SYT9: variants seen among roughly 807,000 people sequenced by gnomAD.
SYT9 encodes synaptotagmin 9, also known as synaptotagmin-9.
Under a neutral mutation model 48.4 loss-of-function variants are expected in SYT9, and 22 were observed. The observed-to-expected ratio is 0.45, with a 90% CI of 0.32 to 0.65. The LOEUF (loss-of-function observed/expected upper bound fraction) is 0.65, where lower values mean the gene tolerates loss of function less well. Among genes scored for constraint, SYT9 ranks in the 30% least tolerant of loss-of-function variants. The pLI is 0.03. For synonymous variants in SYT9, 265 were observed against 245.0 expected, an observed-to-expected ratio of 1.08 and a Z score of -0.76; for missense variants, 577 against 622.0, an observed-to-expected ratio of 0.93 and a Z score of 0.77.
At chr11:7,323,127 T>C (rs905533619) in intron 3 of SYT9, among the ~76,000 whole-genome samples, 1 of 152,168 alleles carries the variant, frequency 6.6e-6, no homozygotes, top group African/African-American at 2.4e-5. Flanking sequence ...TTTTTTTCTA[T>C]TTCAGAAAAT....
intron 6 of SYT9, 68 bp from the exon 7 acceptor site, chr11:7,466,720 CAAAA>C (rs369543339): frequency 4.0e-4 from 507 of 1,258,238 alleles, no homozygotes; most frequent in South Asian, 7.2e-4. Flanking sequence ...GACTCTGTCT[CAAAA>C]AAAAAAAAAA....
chr11:7,384,563 T>G (rs1197342631), intron 3 of SYT9, among the ~76,000 whole-genome samples: 1 of 152,204 alleles, frequency 6.6e-6, no homozygotes, highest in African/African-American at 2.4e-5. Flanking sequence ...CCTGCACTGC[T>G]TTCTTTGGAA....
At chr11:7,327,893 A>T (rs1849458390) in intron 3 of SYT9, among the ~76,000 whole-genome samples, 1 of 90,822 alleles carries the variant, frequency 1.1e-5, no homozygotes, top group African/African-American at 4.2e-5. Context: ...GGACACAGGA[A>T]GGGGAATATC....
At chr11:7,373,258 G>A (rs932147050) in intron 3 of SYT9, among the ~76,000 whole-genome samples, 1 of 152,010 alleles carries the variant, frequency 6.6e-6, no homozygotes, top group Non-Finnish European at 1.5e-5. Flanking sequence ...TCTGATACTG[G>A]TTTCAGGGTT....
chr11:7,459,954 A>C (rs1315828230), intron 6 of SYT9, among the ~76,000 whole-genome samples: 1 of 152,168 alleles, frequency 6.6e-6, no homozygotes, highest in Non-Finnish European at 1.5e-5. Flanking sequence ...ACTGTGAGAC[A>C]ATAAAGTTCT....
chr11:7,341,707 T>G (rs573581568), intron 3 of SYT9, among the ~76,000 whole-genome samples: 1 of 152,166 alleles, frequency 6.6e-6, no homozygotes, highest in African/African-American at 2.4e-5. Context: ...GAGTCAAGTT[T>G]AAATCACATA....
At chr11:7,364,536 A>T (rs1247411645) in intron 3 of SYT9, among the ~76,000 whole-genome samples, 1 of 152,240 alleles carries the variant, frequency 6.6e-6, no homozygotes, top group African/African-American at 2.4e-5. Context: ...GGTGTATGCC[A>T]TGCAGATGGC....
intron 3 of SYT9, among the ~76,000 whole-genome samples, chr11:7,333,671 G>T (rs1384978751): frequency 6.6e-6 from 1 of 152,150 alleles, no homozygotes; most frequent in Admixed American, 6.5e-5. Context: ...AGTACATATG[G>T]CTATCAGATA....
chr11:7,300,401 C>A (rs1477708998), intron 1 of SYT9, among the ~76,000 whole-genome samples: 2 of 152,184 alleles, frequency 1.3e-5, no homozygotes. Flanking sequence ...CATATTCACT[C>A]GTATTTCATT....
intron 6 of SYT9, chr11:7,437,813 T>C (rs1483056712): frequency 1.3e-5 from 2 of 152,270 alleles, no homozygotes; most frequent in Non-Finnish European, 2.9e-5. Flanking sequence ...AGTTTGAAGC[T>C]GTGCTGTGCT....
At chr11:7,422,198 G>T (rs2134106686) in intron 6 of SYT9, among the ~76,000 whole-genome samples, 1 of 152,314 alleles carries the variant, frequency 6.6e-6, no homozygotes, top group East Asian at 1.9e-4. Flanking sequence ...AGGCAGAGAG[G>T]CAGAGAGGCC....
At chr11:7,436,093 C>G (rs539447918) in intron 6 of SYT9, 2 of 152,362 alleles carry the variant, frequency 1.3e-5, no homozygotes, top group Admixed American at 1.3e-4. Flanking sequence ...AGATTCAGGA[C>G]TTCACCCATT....
intron 1 of SYT9, among the ~76,000 whole-genome samples, chr11:7,253,862 AT>A (rs1365315253): frequency 6.6e-6 from 1 of 152,210 alleles, no homozygotes; most frequent in African/African-American, 2.4e-5. Flanking sequence ...AAGCAAGACA[AT>A]TATTTTGCAT....
chr11:7,358,092 A>T (rs1278756069), intron 3 of SYT9, among the ~76,000 whole-genome samples: 1 of 152,146 alleles, frequency 6.6e-6, no homozygotes, highest in Non-Finnish European at 1.5e-5. Flanking sequence ...TACAAAAAAT[A>T]TACATGTTAA....
chr11:7,257,273 A>G (rs1299376778), intron 1 of SYT9, among the ~76,000 whole-genome samples: 3 of 152,186 alleles, frequency 2.0e-5, no homozygotes, highest in Admixed American at 1.3e-4. Flanking sequence ...GCTAGTGCCC[A>G]TATCAACTGA....
At chr11:7,330,057 A>G (rs1218484234) in intron 3 of SYT9, among the ~76,000 whole-genome samples, 5 of 152,206 alleles carry the variant, frequency 3.3e-5, no homozygotes, top group Admixed American at 2.6e-4. Context: ...AAATTAAAAC[A>G]TGCTTATTTA....
chr11:7,323,007 C>T (rs191318935), intron 3 of SYT9, among the ~76,000 whole-genome samples: 1 of 152,198 alleles, frequency 6.6e-6, no homozygotes, highest in East Asian at 1.9e-4. Flanking sequence ...TGTTCATGTA[C>T]ATAACTAGTT....
Position 7,394,293 on chromosome 11 carries a change from A to T in SYT9, c.1045-21749A>T, listed in dbSNP as rs185778510. Among the ~76,000 whole-genome samples, 458 of 152,290 alleles carry T rather than the reference A, an allele frequency of 3.0e-3. 2 individuals carry two copies. Among genetic ancestry groups the T allele is most frequent in the Admixed American group, 4.2e-3 (64 of 15,292 alleles). On this transcript the variant is annotated intron_variant, in intron 3 of 6. Coordinates refer to ENST00000318881, the MANE Select transcript of SYT9 (RefSeq NM_175733.4). The stretch of plus-strand genomic sequence containing the variant: ...ATGTCCCTACAAAGGACATGAACTC[A>T]TCATTTTTTATAGGTGCATAGTATT...
intron 6 of SYT9, among the ~76,000 whole-genome samples, chr11:7,425,741 A>C (rs566625861): frequency 2.0e-5 from 3 of 152,222 alleles, no homozygotes; most frequent in East Asian, 3.9e-4. Context: ...GGGCTAGATA[A>C]ATGAACATAG....
Sources: gnomAD v4.1 joint callset for allele counts (sites outside exome capture counted in the v4.1 genomes callset) on GRCh38, gnomAD v4.1.1 for gene constraint, MANE v1.5 for transcripts, NCBI Gene and HGNC (gene_info 2026-07-23, HGNC 2026-07-21) for gene names.